The following OXR1 variants were observed in gnomAD, a reference collection of about 807,000 sequenced individuals.
OXR1 encodes the protein oxidation resistance 1.
A neutral mutation model predicts 104.6 loss-of-function variants in OXR1; 41 were observed. The observed-to-expected ratio is 0.39, with a 90% CI of 0.31 to 0.51. OXR1 has a LOEUF of 0.51. Among genes scored for constraint, OXR1 ranks in the 20% least tolerant of loss-of-function variants. The pLI is 0.77. For synonymous variants in OXR1, 348 were observed against 348.4 expected (o/e 1.00, Z 0.01); for missense variants, 955 against 1,031.9 (o/e 0.93, Z 1.02).
chr8:106,541,559 C>A (rs1190598477), intron 3 of OXR1, among the ~76,000 whole-genome samples: 3 of 152,176 alleles, frequency 2.0e-5, no homozygotes, highest in Non-Finnish European at 2.9e-5. Context: ...TATCATAAAA[C>A]CATATCTACC....
At chr8:106,646,751 A>G (rs543884800) in intron 3 of OXR1, among the ~76,000 whole-genome samples, 1 of 152,350 alleles carries the variant, frequency 6.6e-6, no homozygotes, top group South Asian at 2.1e-4. Flanking sequence ...TGCAACCTCA[A>G]AGAAAGTGCA....
intron 11 of OXR1, among the ~76,000 whole-genome samples, chr8:106,733,825 CAAA>C (rs35750112): frequency 8.3e-5 from 8 of 96,150 alleles, no homozygotes; most frequent in African/African-American, 2.3e-4. Flanking sequence ...GACTCCGTCT[CAAA>C]AAAAAAAAAA....
chr8:106,671,044 CAAAAAAAA>C (rs60404483), intron 3 of OXR1, among the ~76,000 whole-genome samples: 1 of 48,926 alleles, frequency 2.0e-5, no homozygotes, highest in Non-Finnish European at 3.5e-5. Flanking sequence ...GACTCTGTCT[CAAAAAAAA>C]AAAAAAAAAA....
chr8:106,545,264 A>G (rs985586376), intron 3 of OXR1, among the ~76,000 whole-genome samples: 2 of 152,224 alleles, frequency 1.3e-5, no homozygotes, highest in African/African-American at 4.8e-5. Context: ...AAAAATGATT[A>G]TTTTAGATAA....
chr8:106,448,006 T>C, intron 2 of OXR1: 2 of 1,528,800 alleles, frequency 1.3e-6, no homozygotes, highest in Non-Finnish European at 1.7e-6. Context: ...TAAGGTTGCC[T>C]GCCTGCCTGC....
At chr8:106,383,355 G>A (rs557890416) in intron 2 of OXR1, among the ~76,000 whole-genome samples, 1 of 152,222 alleles carries the variant, frequency 6.6e-6, no homozygotes, top group Non-Finnish European at 1.5e-5. Context: ...AATAGGCCAT[G>A]TTGTATTAGT....
intron 1 of OXR1, among the ~76,000 whole-genome samples, chr8:106,279,108 A>G (rs1043597152): frequency 6.6e-6 from 1 of 152,210 alleles, no homozygotes; most frequent in Non-Finnish European, 1.5e-5. Context: ...CTTTCACACG[A>G]CTAAAGTATC....
intron 3 of OXR1, chr8:106,657,912 C>A: frequency 1.6e-6 from 2 of 1,246,772 alleles, no homozygotes; most frequent in Admixed American, 4.2e-5. Flanking sequence ...GGCCGGTGGG[C>A]GCGCTAGTGG....
chr8:106,658,077 G>T, intron 3 of OXR1: 1 of 1,248,418 alleles, frequency 8.0e-7, no homozygotes, highest in Non-Finnish European at 1.0e-6. Flanking sequence ...CGGCGGCGAA[G>T]CCCGGCAGGT....
chr8:106,441,480 G>GT lies in OXR1; in HGVS notation c.24-77462dup, dbSNP rs1431462242. ...CGTCAATGGTAGTTTGATGGGAATA[G>GT]TATTGAATCTCTAAATTACTTTGGG... On this transcript the variant is annotated intron_variant, in intron 2 of 16. Coordinates refer to ENST00000517566, the MANE Select transcript of OXR1 (RefSeq NM_001198533.2). 3.3e-5 allele frequency among the ~76,000 whole-genome samples: 5 copies of GT among 152,290 alleles called. No individual in the cohort carries two copies. The East Asian group carries it at 7.7e-4, about 23-fold the overall frequency.
chr8:106,428,389 G>C (rs1819219796), intron 2 of OXR1, among the ~76,000 whole-genome samples: 2 of 152,134 alleles, frequency 1.3e-5, no homozygotes, highest in Admixed American at 6.5e-5. Flanking sequence ...ACCTCTCATT[G>C]ACCTAGACTT....
intron 11 of OXR1, among the ~76,000 whole-genome samples, chr8:106,719,991 A>G (rs1832686612): frequency 1.3e-5 from 2 of 152,074 alleles, no homozygotes; most frequent in African/African-American, 4.8e-5. Flanking sequence ...TATTTTTAGT[A>G]GAGACGGAGT....
At chr8:106,501,573 C>A (rs1320078533) in intron 2 of OXR1, among the ~76,000 whole-genome samples, 4 of 152,076 alleles carry the variant, frequency 2.6e-5, no homozygotes, top group East Asian at 3.9e-4. Flanking sequence ...ACAGTGGTAT[C>A]CAAAAGAGGA....
intron 1 of OXR1, among the ~76,000 whole-genome samples, chr8:106,292,214 C>G (rs1355105634): frequency 6.6e-6 from 1 of 152,072 alleles, no homozygotes; most frequent in African/African-American, 2.4e-5. Flanking sequence ...CCCCAAAGCA[C>G]AAGAGTAGTG....
intron 2 of OXR1, among the ~76,000 whole-genome samples, chr8:106,496,987 T>G (rs1195424961): frequency 6.6e-6 from 1 of 152,164 alleles, no homozygotes; most frequent in African/African-American, 2.4e-5. Context: ...CTTAAGATCC[T>G]GGGATTTTTG....
chr8:106,558,376 A>G (rs1309729367), intron 3 of OXR1, among the ~76,000 whole-genome samples: 1 of 152,208 alleles, frequency 6.6e-6, no homozygotes, highest in Non-Finnish European at 1.5e-5. Context: ...ACCACCCTGG[A>G]TTCCCCCTGC....
intron 3 of OXR1, among the ~76,000 whole-genome samples, chr8:106,524,581 G>A (rs978228758): frequency 1.3e-5 from 2 of 152,160 alleles, no homozygotes; most frequent in Admixed American, 6.5e-5. Flanking sequence ...ATTAGTCCCT[G>A]ATCAATCCCT....
In OXR1 at chr8:106,400,329, A is replaced by G. The variant is rs562409353; in HGVS notation, c.23+40693A>G. Among the ~76,000 whole-genome samples, 14 of 152,272 alleles carry G rather than the reference A, an allele frequency of 9.2e-5. 1 individual carries two copies. The highest frequency in any genetic ancestry group is 1.5e-4 in the Non-Finnish European group (10 of 68,006). ...CCAAGCAGTGCATAGTAGATGCTCA[A>G]AAGTATTTTTTGTTAAATGACAAAT... On this transcript the variant is annotated intron_variant, in intron 2 of 16. Coordinates refer to ENST00000517566, the MANE Select transcript of OXR1 (RefSeq NM_001198533.2).
At chr8:106,479,593 C>A (rs1344592589) in intron 2 of OXR1, among the ~76,000 whole-genome samples, 1 of 152,096 alleles carries the variant, frequency 6.6e-6, no homozygotes, top group East Asian at 1.9e-4. Context: ...CCACAGCAGC[C>A]ATGACATTGC....
Sources: allele counts gnomAD v4.1 joint callset (sites outside exome capture counted in the v4.1 genomes callset), GRCh38; gene constraint gnomAD v4.1.1; transcripts MANE v1.5; gene names NCBI Gene and HGNC (gene_info 2026-07-23, HGNC 2026-07-21).